The following LRRIQ3 variants were observed in gnomAD, a reference collection of about 807,000 sequenced individuals.
LRRIQ3 encodes the protein leucine rich repeats and IQ motif containing 3.
LRRIQ3 carries 75 observed loss-of-function variants against 59.3 expected under a neutral mutation model. The ratio of observed to expected loss-of-function variants is 1.26; its 90% CI spans 1.05 to 1.53. LRRIQ3 has a LOEUF of 1.53. LRRIQ3 is among the 40% of genes most tolerant of loss of function. The pLI is 0.00. For missense variants in LRRIQ3, 831 were observed against 710.0 expected, an observed-to-expected ratio of 1.17 and a Z score of -1.94; for synonymous variants, 250 against 231.3, an observed-to-expected ratio of 1.08 and a Z score of -0.73.
intron 3 of LRRIQ3, among the ~76,000 whole-genome samples, chr1:74,171,446 AT>A (rs1649317183): frequency 6.6e-6 from 1 of 152,162 alleles, no homozygotes; most frequent in Admixed American, 6.5e-5. Context: ...GGTGCATCAC[AT>A]TGATTGATTT....
intron 4 of LRRIQ3, among the ~76,000 whole-genome samples, chr1:74,153,632 A>G (rs1445301636): frequency 1.3e-5 from 2 of 152,224 alleles, no homozygotes; most frequent in Non-Finnish European, 2.9e-5. Flanking sequence ...TACAGAGTGG[A>G]AAACAGAGAT....
chr1:74,181,563 A>G (rs1428408861), intron 3 of LRRIQ3: 1 of 151,822 alleles, frequency 6.6e-6, no homozygotes, highest in Non-Finnish European at 1.5e-5. Context: ...TCATTATGCC[A>G]TACTACGCAA....
At chr1:74,089,663 G>A (rs1384982005) in intron 5 of LRRIQ3, among the ~76,000 whole-genome samples, 1 of 152,012 alleles carries the variant, frequency 6.6e-6, no homozygotes, top group Non-Finnish European at 1.5e-5. Flanking sequence ...AGAGAAAATA[G>A]ATTAATGTTC....
chr1:74,031,877 T>A (rs1653729480), intron 7 of LRRIQ3, among the ~76,000 whole-genome samples: 3 of 152,104 alleles, frequency 2.0e-5, no homozygotes, highest in South Asian at 2.1e-4. Context: ...GTGATTCCAC[T>A]TACACTGTGA....
chr1:74,163,430 G>A (rs575571182), intron 3 of LRRIQ3, among the ~76,000 whole-genome samples: 3 of 151,590 alleles, frequency 2.0e-5, no homozygotes, highest in South Asian at 2.1e-4. Context: ...CCAGGGCATA[G>A]AACAAAACTG....
intron 4 of LRRIQ3, among the ~76,000 whole-genome samples, chr1:74,110,803 A>C (rs1294350338): frequency 6.6e-6 from 1 of 152,002 alleles, no homozygotes; most frequent in African/African-American, 2.4e-5. Context: ...AGATAATACA[A>C]TTTATAATAA....
intron 7 of LRRIQ3, among the ~76,000 whole-genome samples, chr1:74,029,226 C>A (rs570854622): frequency 2.3e-4 from 35 of 152,166 alleles, no homozygotes; most frequent in African/African-American, 8.2e-4. Context: ...TGCCTGCTTG[C>A]CCTGGCCAGA....
chr1:74,102,998 ATTATCT>A (rs1056948261), intron 5 of LRRIQ3, among the ~76,000 whole-genome samples: 1 of 151,894 alleles, frequency 6.6e-6, no homozygotes, highest in African/African-American at 2.4e-5. Flanking sequence ...CTGAACTACA[ATTATCT>A]TTAGCCTCTG....
At chr1:74,085,656 A>G (rs999921717) in intron 5 of LRRIQ3, among the ~76,000 whole-genome samples, 8 of 152,042 alleles carry the variant, frequency 5.3e-5, no homozygotes, top group African/African-American at 1.9e-4. Flanking sequence ...GTTACCAGGA[A>G]GGAGGTTTTA....
At chr1:74,046,132 A>T (rs1009553921) in intron 6 of LRRIQ3, among the ~76,000 whole-genome samples, 10 of 152,206 alleles carry the variant, frequency 6.6e-5, no homozygotes, top group Non-Finnish European at 1.3e-4. Context: ...GGAACCAAAA[A>T]AGAGCCTGCA....
chr1:74,115,846 C>T (rs1257489009), intron 4 of LRRIQ3, among the ~76,000 whole-genome samples: 1 of 151,820 alleles, frequency 6.6e-6, no homozygotes, highest in East Asian at 1.9e-4. Context: ...AACCCTCCCA[C>T]CAAAAAGTCA....
At chr1:74,131,476 A>G (rs1465548726) in intron 4 of LRRIQ3, among the ~76,000 whole-genome samples, 3 of 152,202 alleles carry the variant, frequency 2.0e-5, no homozygotes, top group African/African-American at 7.2e-5. Flanking sequence ...AAATTCCTCG[A>G]TAAAATACTG....
At chr1:74,115,534 A>C (rs1646765909) in intron 4 of LRRIQ3, among the ~76,000 whole-genome samples, 1 of 152,078 alleles carries the variant, frequency 6.6e-6, no homozygotes. Context: ...AGTTCAAAAT[A>C]AAATGGGGTG....
chr1:74,178,439 A>G (rs1557655915), intron 3 of LRRIQ3, among the ~76,000 whole-genome samples: 1 of 151,942 alleles, frequency 6.6e-6, no homozygotes, highest in Non-Finnish European at 1.5e-5. Flanking sequence ...AATCTATATT[A>G]CTCTATTGAG....
chr1:74,166,288 T>C (rs189281425), intron 3 of LRRIQ3, among the ~76,000 whole-genome samples: 189 of 151,722 alleles, frequency 1.2e-3, no homozygotes, highest in Middle Eastern at 3.4e-3. Flanking sequence ...TTTTGTAGTT[T>C]GTGTTTTTTT....
intron 5 of LRRIQ3, among the ~76,000 whole-genome samples, chr1:74,092,590 G>A (rs528006834): frequency 2.0e-4 from 31 of 152,070 alleles, no homozygotes; most frequent in Non-Finnish European, 2.9e-4. Flanking sequence ...AACAAATACC[G>A]TAATTGAGTG....
chr1:74,127,604 T>C (rs1646954814), intron 4 of LRRIQ3, among the ~76,000 whole-genome samples: 4 of 151,904 alleles, frequency 2.6e-5, no homozygotes, highest in Admixed American at 2.6e-4. Flanking sequence ...TAATAAAAAT[T>C]CGACACTGGA....
In LRRIQ3 at chr1:74,026,754, T is replaced by C; in HGVS notation, c.*59A>G. Reference sequence around the variant, plus strand: ...GCTTTAGAGTATTATTTCAAATTCCTTCAACTAAAAATAATGACTATAATT... The same window carrying C: ...GCTTTAGAGTATTATTTCAAATTCCCTCAACTAAAAATAATGACTATAATT... On this transcript the variant is annotated 3_prime_UTR_variant, in exon 8 of 8. Coordinates refer to ENST00000354431, the MANE Select transcript of LRRIQ3 (RefSeq NM_001105659.2). 7.2e-7 allele frequency: 1 copy of C among 1,396,958 alleles called. No individual in the cohort carries two copies. The highest frequency in any genetic ancestry group is 9.8e-7 in the Non-Finnish European group (1 of 1,018,558). The allele number at this position is 1,396,958 out of a possible 1,614,324, so 86.5% of individuals were successfully genotyped here. A position where few individuals can be genotyped will look rare whatever the true frequency, so the allele number is the denominator to read the frequency against.
At chr1:74,131,440 C>T (rs376411803) in intron 4 of LRRIQ3, among the ~76,000 whole-genome samples, 37 of 152,274 alleles carry the variant, frequency 2.4e-4, no homozygotes, top group African/African-American at 7.9e-4. Flanking sequence ...AATTTTAGAC[C>T]AATATCCCTG....
Sources: gnomAD v4.1 joint callset for allele counts (sites outside exome capture counted in the v4.1 genomes callset) on GRCh38, gnomAD v4.1.1 for gene constraint, MANE v1.5 for transcripts, NCBI Gene and HGNC (gene_info 2026-07-23, HGNC 2026-07-21) for gene names.